The following GLP2R variants were observed in gnomAD, a reference collection of about 807,000 sequenced individuals.
The protein encoded by GLP2R is glucagon like peptide 2 receptor.
GLP2R carries 59 observed loss-of-function variants against 68.2 expected under a neutral mutation model. That is an observed-to-expected ratio of 0.87 (90% CI 0.70 to 1.07). The LOEUF is 1.07. Ranked by LOEUF, GLP2R falls within the 50% of genes least tolerant of loss-of-function variation. The probability of loss-of-function intolerance (pLI) is 0.00; values close to 1 mark genes in which losing one functional copy is unlikely to be tolerated. For missense variants in GLP2R, 548 were observed against 677.4 expected, an observed-to-expected ratio of 0.81 and a Z score of 2.12; for synonymous variants, 270 against 265.4, an observed-to-expected ratio of 1.02 and a Z score of -0.17.
chr17:9,878,539 G>T (rs1317329948), intron 10 of GLP2R, among the ~76,000 whole-genome samples: 1 of 152,128 alleles, frequency 6.6e-6, no homozygotes, highest in Non-Finnish European at 1.5e-5. Flanking sequence ...AGTGGGAGTC[G>T]ATCTGAGCTC....
chr17:9,884,572 G>A (rs1199921913), intron 11 of GLP2R, among the ~76,000 whole-genome samples: 4 of 152,130 alleles, frequency 2.6e-5, no homozygotes. Flanking sequence ...ACCAGACAGG[G>A]TCAAGTGCTG....
chr17:9,868,613 C>T (rs1044778319), intron 9 of GLP2R, among the ~76,000 whole-genome samples: 1 of 152,178 alleles, frequency 6.6e-6, no homozygotes, highest in African/African-American at 2.4e-5. Flanking sequence ...TACCTGCTGA[C>T]TCTTGTCTTC....
intron 11 of GLP2R, among the ~76,000 whole-genome samples, chr17:9,885,284 G>T (rs1269851778): frequency 6.6e-6 from 1 of 151,786 alleles, no homozygotes; most frequent in African/African-American, 2.4e-5. Context: ...CCACCTCCCA[G>T]GTTCAAGCCA....
intron 1 of GLP2R, among the ~76,000 whole-genome samples, chr17:9,833,496 C>T (rs905479608): frequency 6.6e-6 from 1 of 152,180 alleles, no homozygotes; most frequent in South Asian, 2.1e-4. Context: ...TAGAAGCATG[C>T]AACTATTCAT....
chr17:9,832,573 C>A (rs529677619), intron 1 of GLP2R, among the ~76,000 whole-genome samples: 24 of 151,856 alleles, frequency 1.6e-4, no homozygotes, highest in South Asian at 8.3e-4. Flanking sequence ...ACAACAACAA[C>A]AAAAAAACTT....
chr17:9,829,172 C>A (rs549239013), intron 1 of GLP2R, among the ~76,000 whole-genome samples: 29 of 152,052 alleles, frequency 1.9e-4, no homozygotes, highest in Non-Finnish European at 4.0e-4. Flanking sequence ...TAGTGTTATC[C>A]CCACACCACT....
intron 3 of GLP2R, 108 bp from the exon 4 acceptor site, chr17:9,842,386 AG>A: frequency 7.4e-7 from 1 of 1,358,416 alleles, no homozygotes; most frequent in Non-Finnish European, 1.0e-6. Context: ...AGCCCCCAAA[AG>A]GGGAAATGAA....
intron 10 of GLP2R, among the ~76,000 whole-genome samples, chr17:9,876,308 A>G (rs930684648): frequency 2.6e-5 from 4 of 152,254 alleles, no homozygotes; most frequent in African/African-American, 9.6e-5. Context: ...AGACAAAGAC[A>G]GATTAACAGG....
chr17:9,830,592 A>G (rs1220140653), intron 1 of GLP2R, among the ~76,000 whole-genome samples: 1 of 152,250 alleles, frequency 6.6e-6, no homozygotes, highest in Non-Finnish European at 1.5e-5. Flanking sequence ...GGATAATTGC[A>G]TGATTCTCAA....
chr17:9,891,859 A>C lies in GLP2R; in HGVS notation c.*2154A>C, dbSNP rs2067293690. 6.6e-6 allele frequency: 1 copy of C among 152,188 alleles called. No homozygotes were observed. The allele number at this position is 152,188 out of a possible 1,614,324, so 9.4% of individuals were successfully genotyped here. A position where few individuals can be genotyped will look rare whatever the true frequency, so the allele number is the denominator to read the frequency against. On this transcript the variant is annotated 3_prime_UTR_variant, in exon 13 of 13. Coordinates refer to ENST00000262441, the MANE Select transcript of GLP2R (RefSeq NM_004246.3). Reference sequence around the variant, plus strand: ...CATCTCGTATTCCCAGCAAGTACCCAGCACAGTGCCGGTTCAGAGCAGGTG... The same window carrying C: ...CATCTCGTATTCCCAGCAAGTACCCCGCACAGTGCCGGTTCAGAGCAGGTG...
At chr17:9,828,912 T>C (rs115938688) in intron 1 of GLP2R, among the ~76,000 whole-genome samples, 7,891 of 152,250 alleles carry the variant, frequency 0.052, 327 homozygotes, top group East Asian at 0.21. Flanking sequence ...TTTCTGGCTG[T>C]CTGTCCTCCG....
intron 3 of GLP2R, among the ~76,000 whole-genome samples, chr17:9,841,820 G>A (rs796840359): frequency 3.3e-5 from 5 of 152,256 alleles, no homozygotes; most frequent in African/African-American, 9.6e-5. Flanking sequence ...AACAGATTTC[G>A]ACTTCTCGTT....
At chr17:9,872,463 G>C (rs1308688371) in intron 10 of GLP2R, among the ~76,000 whole-genome samples, 1 of 152,220 alleles carries the variant, frequency 6.6e-6, no homozygotes, top group Admixed American at 6.5e-5. Context: ...TGTAATCCCA[G>C]CTACTCAGGA....
intron 10 of GLP2R, among the ~76,000 whole-genome samples, chr17:9,879,757 G>A (rs2067178341): frequency 1.3e-5 from 2 of 152,124 alleles, no homozygotes; most frequent in South Asian, 2.1e-4. Flanking sequence ...TTATGAGGAG[G>A]ATCAGTTTTT....
At chr17:9,851,889 A>T (rs980782890) in intron 4 of GLP2R, among the ~76,000 whole-genome samples, 1 of 149,862 alleles carries the variant, frequency 6.7e-6, no homozygotes, top group Non-Finnish European at 1.5e-5. Flanking sequence ...CCCAAATATT[A>T]AAAAAAAAAT....
chr17:9,854,655 A>T (rs2066920157), intron 5 of GLP2R, 54 bp downstream of exon 5: 1 of 964,448 alleles, frequency 1.0e-6, no homozygotes, highest in African/African-American at 1.6e-5. Flanking sequence ...GCCCTCCTTC[A>T]TCTACAGGGG....
intron 12 of GLP2R, 45 bp downstream of exon 12, chr17:9,888,018 C>T: frequency 7.4e-7 from 1 of 1,349,578 alleles, no homozygotes; most frequent in Non-Finnish European, 1.1e-6. Context: ...GAGGTTGGGA[C>T]TGCAACCCTA....
chr17:9,851,785 T>C (rs1321662500), intron 4 of GLP2R, among the ~76,000 whole-genome samples: 1 of 152,140 alleles, frequency 6.6e-6, no homozygotes, highest in Non-Finnish European at 1.5e-5. Context: ...TTTTATCTCA[T>C]TTAAAAAATG....
chr17:9,876,051 A>G (rs962315308), intron 10 of GLP2R, among the ~76,000 whole-genome samples: 8 of 152,038 alleles, frequency 5.3e-5, no homozygotes, highest in African/African-American at 1.9e-4. Flanking sequence ...TTAATTTTGT[A>G]TTTTTAGTAG....
Sources: gnomAD v4.1 joint callset for allele counts (sites outside exome capture counted in the v4.1 genomes callset) on GRCh38, gnomAD v4.1.1 for gene constraint, MANE v1.5 for transcripts, NCBI Gene and HGNC (gene_info 2026-07-23, HGNC 2026-07-21) for gene names.